SLC43A2: variants seen among roughly 807,000 people sequenced by gnomAD.
The protein encoded by SLC43A2 is solute carrier family 43 member 2, also known as large neutral amino acids transporter small subunit 4.
A neutral mutation model predicts 63.2 loss-of-function variants in SLC43A2; 38 were observed. That is an observed-to-expected ratio of 0.60 (90% CI 0.46 to 0.79). The LOEUF is 0.79. Among genes scored for constraint, SLC43A2 ranks in the 30% least tolerant of loss-of-function variants. The pLI, the probability that SLC43A2 is intolerant of heterozygous loss-of-function variation, is 0.00. For missense variants in SLC43A2, 644 were observed against 756.2 expected (o/e 0.85, Z 1.74); for synonymous variants, 322 against 331.0 (o/e 0.97, Z 0.30).
In SLC43A2 at chr17:1,583,473, T is replaced by A; in HGVS notation, c.1218-137A>T. On this transcript the variant is annotated intron_variant, in intron 10 of 13. Transcript: ENST00000301335. This position sits in a 1 kb window ranked among gnomAD's most constrained non-coding sequence, Gnocchi z 5.5. ...AGCCACCCAGGCACGTTTTAGGGAC[T>A]GTGTCGGGGCTGGACCAGCACTACG... 1.4e-6 allele frequency: 2 copies of A among 1,454,168 alleles called. No homozygotes were observed. Among genetic ancestry groups the A allele is most frequent in the South Asian group, 1.3e-5 (1 of 75,298 alleles). 90.1% of individuals were successfully genotyped at this position (1,454,168 alleles called of 1,614,324 possible).
In SLC43A2 at chr17:1,577,310, G is replaced by A. The variant is rs573403555; in HGVS notation, c.1425-590C>T. 1.4e-3 allele frequency among the ~76,000 whole-genome samples: 218 copies of A among 152,364 alleles called. No homozygotes were observed. Among genetic ancestry groups the A allele is most frequent in the African/African-American group, 5.0e-3 (209 of 41,594 alleles). On this transcript the variant is annotated intron_variant, in intron 12 of 13. Coordinates refer to ENST00000301335, the MANE Select transcript of SLC43A2 (RefSeq NM_152346.3). This position sits in a 1 kb window ranked among gnomAD's most constrained non-coding sequence, Gnocchi z 4.9. The stretch of plus-strand genomic sequence containing the variant: ...AGCGTGGTGCCAGCGGGGACCTGCG[G>A]TTTGGGAAACAGGCCCAGAGAGGAG...
chr17:1,586,928 TCCCC>T, intron 9 of SLC43A2: 4 of 1,232,864 alleles, frequency 3.2e-6, no homozygotes, highest in Non-Finnish European at 4.5e-6. Context: ...TCCCTGACAA[TCCCC>T]CCCACCCCCC....
chr17:1,601,140 TA>T (rs1274315861), intron 5 of SLC43A2, among the ~76,000 whole-genome samples: 2 of 151,928 alleles, frequency 1.3e-5, no homozygotes, highest in Non-Finnish European at 2.9e-5. Context: ...TTATTTCCCT[TA>T]AGACATTGAA....
At chr17:1,615,628 G>C (rs1342176929) in intron 3 of SLC43A2, among the ~76,000 whole-genome samples, 1 of 150,152 alleles carries the variant, frequency 6.7e-6, no homozygotes, top group Non-Finnish European at 1.5e-5. Flanking sequence ...CAGATCACAA[G>C]GTCAGGAGAT....
chr17:1,627,809 C>G lies in SLC43A2; in HGVS notation c.66G>C (p.Glu22Asp), dbSNP rs373316043. ...GGAGGACTGCCGAGAAGAGGAGGTT[C>G]TCCAGCACGGCCGTGCAGGCCATCC... ...RWWMACTAVL[E>D]NLLFSAVLLG... is the part of the protein sequence containing the mutation. Residue 22 changes from glutamate to aspartate, a missense_variant, in exon 2 of 14, where the codon GAG (glutamate) becomes GAC (aspartate). Transcript: ENST00000301335. 42 of 1,596,422 alleles carry G rather than the reference C, an allele frequency of 2.6e-5. No individual in the cohort carries two copies. The African/African-American group carries it at 3.7e-4, about 14-fold the overall frequency.
At chr17:1,619,957 G>C (rs1908005048) in intron 2 of SLC43A2, among the ~76,000 whole-genome samples, 1 of 152,170 alleles carries the variant, frequency 6.6e-6, no homozygotes, top group Non-Finnish European at 1.5e-5. Context: ...GAATGGAGTG[G>C]GTGAGGCAGC....
At chr17:1,581,221 C>CACACACACACACACAT (rs1491572456) in intron 11 of SLC43A2, among the ~76,000 whole-genome samples, 7 of 152,024 alleles carry the variant, frequency 4.6e-5, no homozygotes, top group Non-Finnish European at 1.0e-4. Context: ...CACACACACA[C>CACACACACACACACAT]GCACGCTGTG....
At chr17:1,609,262 C>T (rs996109479) in intron 5 of SLC43A2, among the ~76,000 whole-genome samples, 1 of 152,172 alleles carries the variant, frequency 6.6e-6, no homozygotes, top group South Asian at 2.1e-4. Context: ...AGTGCAGTGG[C>T]GCAATCTCGA....
chr17:1,629,724 G>A (rs551513706), upstream of SLC43A2, among the ~76,000 whole-genome samples: 195 of 152,320 alleles, frequency 1.3e-3, 1 homozygote, highest in Middle Eastern at 3.4e-3. Flanking sequence ...CCCTTTCAGG[G>A]AAGGTCCCCT....
chr17:1,590,923 C>A lies in SLC43A2; in HGVS notation c.957G>T (p.Val319=), dbSNP rs1163958151. 1.3e-6 allele frequency: 2 copies of A among 1,551,282 alleles called. No homozygotes were observed. The highest frequency in any genetic ancestry group is 1.7e-6 in the Non-Finnish European group (2 of 1,147,276). The change falls in exon 9 of 14, where the codon GTG becomes GTT. Residue 319 remains valine, a synonymous_variant. Coordinates refer to ENST00000301335, the MANE Select transcript of SLC43A2 (RefSeq NM_152346.3). ...GGCTGAGCAGCAGGATGGGGCTGAACACGCTGTGCATGAAGGAGGGGGCCA... is the reference window on the plus strand; with the variant it reads ...GGCTGAGCAGCAGGATGGGGCTGAAAACGCTGTGCATGAAGGAGGGGGCCA... ...AAVAPSFMHS[V]FSPILLLSLV...
chr17:1,628,534 G>A (rs1047436125), intron 1 of SLC43A2, among the ~76,000 whole-genome samples: 1 of 151,970 alleles, frequency 6.6e-6, no homozygotes, highest in Non-Finnish European at 1.5e-5. Flanking sequence ...GGGAGACGAG[G>A]AGCCGGTTCA....
Position 1,596,043 on chromosome 17 carries a change from G to A in SLC43A2, c.502-2764C>T, listed in dbSNP as rs184983327. Among the ~76,000 whole-genome samples the A allele has an allele frequency of 2.2e-4, 34 of 152,290 alleles. No individual in the cohort carries two copies. In the East Asian group the frequency reaches 4.8e-3, roughly 22 times the overall value. ...GCATCAAGAAAGTGAAAAGAGAGCC[G>A]GGCGCGGTGGCTCACACCTGTCATC... On this transcript the variant is annotated intron_variant, in intron 5 of 13. Coordinates refer to ENST00000301335, the MANE Select transcript of SLC43A2 (RefSeq NM_152346.3).
intron 11 of SLC43A2, among the ~76,000 whole-genome samples, chr17:1,581,326 A>G (rs559649690): frequency 6.6e-6 from 1 of 152,208 alleles, no homozygotes; most frequent in Non-Finnish European, 1.5e-5. Flanking sequence ...CCCACTGAGC[A>G]CTGCCCCTCG....
chr17:1,591,735 G>GGGGGGGGGGGGGGGA, intron 6 of SLC43A2, 36 bp from the exon 7 acceptor site: 9 of 652,924 alleles, frequency 1.4e-5, no homozygotes, highest in South Asian at 1.9e-5. Flanking sequence ...GGGGGGGGGA[G>GGGGGGGGGGGGGGGA]GGGGCAGAGT....
intron 10 of SLC43A2, 133 bp downstream of exon 10, chr17:1,585,780 A>G: frequency 1.3e-6 from 2 of 1,597,798 alleles, no homozygotes; most frequent in East Asian, 2.2e-5. Flanking sequence ...GAGTCTCTCT[A>G]AGGGCTCCGG....
At chr17:1,601,081 T>TTTGA (rs1021666676) in intron 5 of SLC43A2, among the ~76,000 whole-genome samples, 24 of 151,566 alleles carry the variant, frequency 1.6e-4, no homozygotes, top group Non-Finnish European at 3.5e-4. Context: ...TGTTTGTTTG[T>TTTGA]TTGTTTGTTT....
intron 2 of SLC43A2, among the ~76,000 whole-genome samples, chr17:1,625,395 C>T (rs1324845027): frequency 6.6e-6 from 1 of 152,194 alleles, no homozygotes; most frequent in African/African-American, 2.4e-5. Context: ...ACTAAAGCAT[C>T]GTCCTAGAGT....
intron 10 of SLC43A2, among the ~76,000 whole-genome samples, chr17:1,585,087 C>T (rs912292166): frequency 1.3e-5 from 2 of 152,160 alleles, no homozygotes; most frequent in Admixed American, 1.3e-4. Context: ...GTGCCTCATA[C>T]CTGTTAATCC....
intron 2 of SLC43A2, among the ~76,000 whole-genome samples, chr17:1,625,040 C>CA (rs1908544625): frequency 6.6e-6 from 1 of 152,160 alleles, no homozygotes; most frequent in African/African-American, 2.4e-5. Context: ...GCCAAGAGGA[C>CA]ACAGCTCCAG....
Sources: gnomAD v4.1 joint callset for allele counts (sites outside exome capture counted in the v4.1 genomes callset) on GRCh38, gnomAD v4.1.1 for gene constraint, Gnocchi (gnomAD v3.1) non-coding constraint, MANE v1.5 for transcripts, NCBI Gene and HGNC (gene_info 2026-07-23, HGNC 2026-07-21) for gene names.